DENND4C: variants seen among roughly 807,000 people sequenced by gnomAD.
DENND4C encodes the protein DENN domain containing 4C, also known as DENN domain-containing protein 4C.
DENND4C carries 108 observed loss-of-function variants against 203.0 expected under a neutral mutation model. That is an observed-to-expected ratio of 0.53 (90% CI 0.46 to 0.62). The LOEUF (loss-of-function observed/expected upper bound fraction) is 0.62. DENND4C is among the 20% of genes least tolerant of loss of function. DENND4C has a pLI of 0.00. For synonymous variants in DENND4C, 871 were observed against 792.4 expected (o/e 1.10, Z -1.67); for missense variants, 2,481 against 2,301.2 (o/e 1.08, Z -1.60).
At chr9:19,313,436 C>T (rs1256600108) in intron 10 of DENND4C, among the ~76,000 whole-genome samples, 1 of 152,128 alleles carries the variant, frequency 6.6e-6, no homozygotes, top group Non-Finnish European at 1.5e-5. Flanking sequence ...TGTATACAAA[C>T]TCACACAGAT....
At chr9:19,295,471 C>G (rs1169633939) in intron 5 of DENND4C, among the ~76,000 whole-genome samples, 2 of 151,674 alleles carry the variant, frequency 1.3e-5, no homozygotes, top group African/African-American at 4.8e-5. Context: ...TGCCACTGTA[C>G]TCCAGCCTGG....
intron 10 of DENND4C, among the ~76,000 whole-genome samples, chr9:19,307,424 C>T (rs541630734): frequency 4.0e-4 from 59 of 149,078 alleles, no homozygotes; most frequent in Non-Finnish European, 7.6e-4. Context: ...GAAGAAATAC[C>T]TCCAAATTAT....
In DENND4C at chr9:19,230,769, C is replaced by G. The variant is rs1159937792; in HGVS notation, c.-82C>G. 1 of 152,358 alleles carries G rather than the reference C, an allele frequency of 6.6e-6. No individual in the cohort carries two copies. The highest frequency in any genetic ancestry group is 6.5e-5 in the Admixed American group (1 of 15,290). The allele number at this position is 152,358 out of a possible 1,614,324, so 9.4% of individuals were successfully genotyped here. Reference sequence around the variant, plus strand: ...TGCCGAGCGCGCCCAGTCCGCGAATCCGGTGCTTTCTTGCCCCAGGAAGAA... The same window carrying G: ...TGCCGAGCGCGCCCAGTCCGCGAATGCGGTGCTTTCTTGCCCCAGGAAGAA... On this transcript the variant is annotated 5_prime_UTR_variant, in exon 1 of 33. In the 5' UTR this introduces an upstream ATG that the reference lacks. Coordinates refer to ENST00000434457, the MANE Select transcript of DENND4C (RefSeq NM_001330640.2).
In DENND4C at chr9:19,328,029, G is replaced by A; in HGVS notation, c.2121-1G>A. On this transcript the variant is annotated splice_acceptor_variant, in intron 15 of 32. Coordinates refer to ENST00000434457, the MANE Select transcript of DENND4C (RefSeq NM_001330640.2). LOFTEE classifies it high-confidence loss of function. ...CAGTTCTATTTTTTTTTTTATTTTA[G>A]TTACAAATACTTTCCAAGACTGGAC... 6.3e-7 allele frequency: 1 copy of A among 1,578,448 alleles called. No homozygotes were observed. The highest frequency in any genetic ancestry group is 2.0e-5 in the Admixed American group (1 of 50,326).
chr9:19,288,482 A>C, intron 3 of DENND4C, 114 bp from the exon 4 acceptor site: 1 of 540,718 alleles, frequency 1.8e-6, no homozygotes, highest in Non-Finnish European at 2.8e-6. Flanking sequence ...TCATTATATA[A>C]ACGTTTTAAA....
chr9:19,246,827 C>G (rs975576344), intron 1 of DENND4C, among the ~76,000 whole-genome samples: 3 of 152,126 alleles, frequency 2.0e-5, no homozygotes, highest in Non-Finnish European at 4.4e-5. Flanking sequence ...TGCTATAACT[C>G]TTAATTCTCT....
intron 1 of DENND4C, among the ~76,000 whole-genome samples, chr9:19,250,181 G>A (rs1826208454): frequency 6.6e-6 from 1 of 152,050 alleles, no homozygotes. Context: ...AGTGACTCAC[G>A]CCTGTAATCC....
rs1403259590 is a variant in DENND4C at position 19,352,473 on chromosome 9, C to T, written c.4606-17C>T. On this transcript the variant is annotated splice_polypyrimidine_tract_variant and intron_variant, in intron 25 of 32. Transcript: ENST00000434457. ...TTTTATTAAACGTTCTCAGTGTCTG[C>T]ATTTTTCTGTTTTTAGGTTTTGATG... The T allele has an allele frequency of 1.8e-5, 28 of 1,548,358 alleles. No homozygotes were observed. Among genetic ancestry groups the T allele is most frequent in the Non-Finnish European group, 2.3e-5 (26 of 1,147,072 alleles).
intron 16 of DENND4C, among the ~76,000 whole-genome samples, chr9:19,330,666 T>G (rs184767743): frequency 1.3e-5 from 2 of 151,574 alleles, no homozygotes; most frequent in African/African-American, 4.8e-5. Context: ...GAACATAGAC[T>G]AGCAAGGAAT....
In DENND4C at chr9:19,319,040, A is replaced by G. The variant is rs1422423322; in HGVS notation, c.1807+2201A>G. ...AAAAATTAGCCAGGCATGGTGGTGC[A>G]TGCCTGTAATCCCAGCTACTCAGGA... On this transcript the variant is annotated intron_variant, in intron 12 of 32. Coordinates refer to ENST00000434457, the MANE Select transcript of DENND4C (RefSeq NM_001330640.2). Among the ~76,000 whole-genome samples, 4 of 151,720 alleles carry G rather than the reference A, an allele frequency of 2.6e-5. No individual in the cohort carries two copies. The South Asian group carries it at 8.3e-4, about 32-fold the overall frequency.
rs1826151277 is a variant in DENND4C at position 19,360,098 on chromosome 9, A to T, written c.5161-146A>T. On this transcript the variant is annotated intron_variant, in intron 28 of 32. Coordinates refer to ENST00000434457, the MANE Select transcript of DENND4C (RefSeq NM_001330640.2). The stretch of plus-strand genomic sequence containing the variant: ...TAAGTATTTTCTTTTTTAGGTTTTC[A>T]TTCATTAGCATATTCTCTTGCATGT... 3.9e-6 allele frequency: 3 copies of T among 773,552 alleles called. No homozygotes were observed. The South Asian group carries it at 5.9e-5, about 15-fold the overall frequency. 47.9% of individuals were successfully genotyped at this position (773,552 alleles called of 1,614,324 possible). A position where few individuals can be genotyped will look rare whatever the true frequency, so the allele number is the denominator to read the frequency against.
chr9:19,309,122 T>A (rs1441492105), intron 10 of DENND4C, among the ~76,000 whole-genome samples: 1 of 152,070 alleles, frequency 6.6e-6, no homozygotes, highest in East Asian at 1.9e-4. Context: ...GTGATAAAAA[T>A]ATTCTAAAAT....
At chr9:19,243,500 C>G (rs532916021) in intron 1 of DENND4C, among the ~76,000 whole-genome samples, 2 of 152,162 alleles carry the variant, frequency 1.3e-5, no homozygotes, top group Admixed American at 6.6e-5. Flanking sequence ...ACGCTGTACC[C>G]GTTAAGCAGT....
intron 9 of DENND4C, among the ~76,000 whole-genome samples, chr9:19,304,751 T>A (rs554515123): frequency 4.0e-5 from 6 of 148,912 alleles, no homozygotes; most frequent in South Asian, 4.3e-4. Context: ...GGGTTTCACC[T>A]TGTTAGCCAG....
chr9:19,310,461 A>G (rs1485126402), intron 10 of DENND4C, among the ~76,000 whole-genome samples: 2 of 152,226 alleles, frequency 1.3e-5, no homozygotes, highest in Non-Finnish European at 2.9e-5. Context: ...CATATGGCCC[A>G]TGCCTGCTTC....
chr9:19,280,362 G>C (rs1395399895), intron 2 of DENND4C, among the ~76,000 whole-genome samples: 1 of 152,130 alleles, frequency 6.6e-6, no homozygotes, highest in African/African-American at 2.4e-5. Context: ...GGCCAGGCTG[G>C]TCTTGAACTC....
Position 19,282,680 on chromosome 9 carries a change from T to C in DENND4C, c.306-4089T>C, listed in dbSNP as rs1425216931. On this transcript the variant is annotated intron_variant, in intron 2 of 32. Transcript: ENST00000434457. ...TGGCACTAGCTTGGTTTTTAAACTT[T>C]ATTTTTTGTTTTTCTTTTTCTTTTT... is the stretch of plus-strand genomic sequence containing the variant. Among the ~76,000 whole-genome samples, 3 of 151,036 alleles carry C rather than the reference T, an allele frequency of 2.0e-5. No individual in the cohort carries two copies. In the East Asian group the frequency reaches 5.8e-4, roughly 29 times the overall value.
At chr9:19,265,898 G>A (rs1013551363) in intron 1 of DENND4C, among the ~76,000 whole-genome samples, 1 of 152,166 alleles carries the variant, frequency 6.6e-6, no homozygotes, top group Non-Finnish European at 1.5e-5. Flanking sequence ...ATTGTGAATA[G>A]TGCCACAGTA....
chr9:19,290,158 A>G (rs1472180076), intron 4 of DENND4C, among the ~76,000 whole-genome samples: 1 of 152,180 alleles, frequency 6.6e-6, no homozygotes, highest in Non-Finnish European at 1.5e-5. Context: ...TGTGGTTCTC[A>G]AAGTGTCACT....
Sources: allele counts gnomAD v4.1 joint callset (sites outside exome capture counted in the v4.1 genomes callset), GRCh38; gene constraint gnomAD v4.1.1; transcripts MANE v1.5; gene names NCBI Gene and HGNC (gene_info 2026-07-23, HGNC 2026-07-21).